GRXCR1: variants seen among roughly 807,000 people sequenced by gnomAD.
GRXCR1 encodes glutaredoxin and cysteine rich domain containing 1, also known as glutaredoxin domain-containing cysteine-rich protein 1.
Under a neutral mutation model 27.3 loss-of-function variants are expected in GRXCR1, and 27 were observed. That is an observed-to-expected ratio of 0.99 (90% CI 0.73 to 1.37). GRXCR1 has a LOEUF of 1.37. Among genes scored for constraint, GRXCR1 ranks in the 40% most tolerant of loss-of-function variants. The pLI is 0.00. For missense variants in GRXCR1, 379 were observed against 354.4 expected (o/e 1.07, Z -0.56); for synonymous variants, 122 against 131.1 (o/e 0.93, Z 0.47).
chr4:42,960,091 G>A (rs971257333), intron 1 of GRXCR1, among the ~76,000 whole-genome samples: 3 of 151,948 alleles, frequency 2.0e-5, no homozygotes, highest in Non-Finnish European at 4.4e-5. Flanking sequence ...ACACAGAAAG[G>A]TGGTATACAT....
At chr4:42,922,905 C>A (rs1229274666) in intron 1 of GRXCR1, among the ~76,000 whole-genome samples, 1 of 152,080 alleles carries the variant, frequency 6.6e-6, no homozygotes, top group Non-Finnish European at 1.5e-5. Flanking sequence ...CTTCACAGTG[C>A]TAAATAGTAA....
chr4:42,903,839 G>A (rs1746523936), intron 1 of GRXCR1, among the ~76,000 whole-genome samples: 1 of 152,022 alleles, frequency 6.6e-6, no homozygotes, highest in Admixed American at 6.6e-5. Context: ...GGCCTTGGTG[G>A]TGAGAGCTTA....
rs760737769 is a variant in GRXCR1 at position 42,893,450 on chromosome 4, C to T, written c.184C>T (p.Gln62Ter). 2.5e-6 allele frequency: 4 copies of T among 1,613,654 alleles called. No individual in the cohort carries two copies. Among genetic ancestry groups the T allele is most frequent in the Non-Finnish European group, 3.4e-6 (4 of 1,179,820 alleles). The change falls in exon 1 of 4, where the codon CAG becomes TAG. Residue 62 changes from glutamine to a stop codon, truncating the protein, a stop_gained. Coordinates refer to ENST00000399770, the MANE Select transcript of GRXCR1 (RefSeq NM_001080476.3). LOFTEE classifies it high-confidence loss of function. ...IDGLGDSDGQ[Q>*]NGHIESEGDE... ...TGGACTAGGTGATTCCGATGGACAG[C>T]AGAATGGCCACATAGAGTCAGAAGG...
At chr4:42,909,635 AG>A (rs1746673042) in intron 1 of GRXCR1, among the ~76,000 whole-genome samples, 1 of 152,148 alleles carries the variant, frequency 6.6e-6, no homozygotes, top group African/African-American at 2.4e-5. Flanking sequence ...CCTCCTGGTT[AG>A]TAACTTTACG....
chr4:43,016,633 TTGTGTGTGTGTG>T (rs34018617), intron 2 of GRXCR1, among the ~76,000 whole-genome samples: 1 of 149,838 alleles, frequency 6.7e-6, no homozygotes, highest in Non-Finnish European at 1.5e-5. Context: ...AGTTGTGTGT[TTGTGTGTGTGTG>T]TGTGTGTGTG....
chr4:43,014,989 G>T (rs1712886420), intron 2 of GRXCR1, among the ~76,000 whole-genome samples: 1 of 152,156 alleles, frequency 6.6e-6, no homozygotes, highest in African/African-American at 2.4e-5. Flanking sequence ...GGAAAATAAA[G>T]AAAGCTTTAT....
chr4:43,002,285 G>A (rs1712395836), intron 2 of GRXCR1, among the ~76,000 whole-genome samples: 1 of 152,298 alleles, frequency 6.6e-6, no homozygotes, highest in Non-Finnish European at 1.5e-5. Flanking sequence ...CACATGGGGA[G>A]AAACCTTGGA....
At chr4:42,976,841 C>T (rs1241129109) in intron 2 of GRXCR1, among the ~76,000 whole-genome samples, 1 of 151,910 alleles carries the variant, frequency 6.6e-6, no homozygotes, top group African/African-American at 2.4e-5. Context: ...ATTCACTCAG[C>T]ATTTTTCGAG....
At position 42,990,173 on chromosome 4, in the gene GRXCR1, CTTTTTTTTTTTTTTTTTTTT is replaced by C. The variant is rs745784596; in HGVS notation, c.627+27056_627+27075del. ...AACTTCTTGAATTGAATTATTAGTT[CTTTTTTTTTTTTTTTTTTTT>C]TTTTTTTTTTTTTTTTGAGACGGAG... is the stretch of plus-strand genomic sequence containing the variant. On this transcript the variant is annotated intron_variant, in intron 2 of 3. Transcript: ENST00000399770. 3.2e-4 allele frequency among the ~76,000 whole-genome samples: 15 copies of C among 46,230 alleles called. No individual in the cohort carries two copies. In the South Asian group the frequency reaches 8.9e-3, roughly 27 times the overall value. 30.3% of individuals were successfully genotyped at this position (46,230 alleles called of 152,430 possible).
intron 1 of GRXCR1, among the ~76,000 whole-genome samples, chr4:42,958,715 TA>T (rs1748064571): frequency 6.6e-6 from 1 of 151,856 alleles, no homozygotes; most frequent in South Asian, 2.1e-4. Flanking sequence ...ACTAACTCAA[TA>T]GCAAAAACCA....
At chr4:43,009,747 A>T (rs996534913) in intron 2 of GRXCR1, among the ~76,000 whole-genome samples, 1 of 151,674 alleles carries the variant, frequency 6.6e-6, no homozygotes, top group African/African-American at 2.4e-5. Context: ...TCATAACCTA[A>T]TCACCCCCCC....
chr4:42,998,023 A>G (rs935419460), intron 2 of GRXCR1, among the ~76,000 whole-genome samples: 1 of 152,182 alleles, frequency 6.6e-6, no homozygotes, highest in Non-Finnish European at 1.5e-5. Flanking sequence ...TTAAAAGCGT[A>G]TATTTCTTAC....
intron 2 of GRXCR1, among the ~76,000 whole-genome samples, chr4:42,982,463 C>A (rs1213247335): frequency 3.1e-4 from 37 of 120,960 alleles, no homozygotes; most frequent in African/African-American, 1.1e-3. Context: ...CATTGTTGGA[C>A]ATTTGGGTTG....
intron 1 of GRXCR1, among the ~76,000 whole-genome samples, chr4:42,936,671 G>T (rs551470952): frequency 2.0e-5 from 3 of 151,914 alleles, no homozygotes; most frequent in South Asian, 4.1e-4. Context: ...TCTCATCTAG[G>T]TTAGATATTT....
rs1712890283 is a variant in GRXCR1, at chr4:43,015,069, A to G, written c.628-5285A>G. On this transcript the variant is annotated intron_variant, in intron 2 of 3. Coordinates refer to ENST00000399770, the MANE Select transcript of GRXCR1 (RefSeq NM_001080476.3). Reference sequence around the variant, plus strand: ...TTTCCCAAGAGGTGGTGGAAGAAAGATAGAAGAAATATCAGGAAAAAAATG... The same window carrying G: ...TTTCCCAAGAGGTGGTGGAAGAAAGGTAGAAGAAATATCAGGAAAAAAATG... 2.0e-5 allele frequency among the ~76,000 whole-genome samples: 3 copies of G among 152,180 alleles called. No homozygotes were observed. In the South Asian group the frequency reaches 6.2e-4, roughly 32 times the overall value.
chr4:42,952,999 T>A (rs890082491), intron 1 of GRXCR1, among the ~76,000 whole-genome samples: 1 of 152,212 alleles, frequency 6.6e-6, no homozygotes, highest in Non-Finnish European at 1.5e-5. Context: ...AAGGACATGT[T>A]CTTTTTATTG....
At chr4:43,011,358 C>A (rs1011130241) in intron 2 of GRXCR1, among the ~76,000 whole-genome samples, 9 of 152,176 alleles carry the variant, frequency 5.9e-5, no homozygotes, top group African/African-American at 2.2e-4. Context: ...GAAGCTGGAG[C>A]AGGATAGAGA....
Position 42,963,082 on chromosome 4 carries a change from TTTCTGAAGCTCC to T in GRXCR1, c.579_590del (p.Glu194_Ser197del). 1.2e-6 allele frequency: 2 copies of T among 1,612,674 alleles called. No individual in the cohort carries two copies. The highest frequency in any genetic ancestry group is 1.7e-6 in the Non-Finnish European group (2 of 1,179,030). ...GAGTTAGACGAACGATGCCGACGAG[TTTCTGAAGCTCC>T]TTCCCTCCCTGTTGTGTTCATTGAT... On this transcript the variant is annotated inframe_deletion, in exon 2 of 4. Transcript: ENST00000399770.
At chr4:42,963,266 A>T in intron 2 of GRXCR1, 132 bp downstream of exon 2, 1 of 975,306 alleles carries the variant, frequency 1.0e-6, no homozygotes, top group Non-Finnish European at 1.6e-6. Flanking sequence ...AACCAAAGGG[A>T]TTGGAGCACT....
Sources: gnomAD v4.1 joint callset for allele counts (sites outside exome capture counted in the v4.1 genomes callset) on GRCh38, gnomAD v4.1.1 for gene constraint, MANE v1.5 for transcripts, NCBI Gene and HGNC (gene_info 2026-07-23, HGNC 2026-07-21) for gene names.